PIK3AP1: variants seen among roughly 807,000 people sequenced by gnomAD.
PIK3AP1 encodes phosphoinositide-3-kinase adaptor protein 1, also known as phosphoinositide 3-kinase adapter protein 1.
In PIK3AP1, 21 loss-of-function variants were observed where a neutral mutation model predicts 88.1. The ratio of observed to expected loss-of-function variants is 0.24; its 90% CI spans 0.17 to 0.34. PIK3AP1 has a LOEUF of 0.34. Among genes scored for constraint, PIK3AP1 ranks in the 10% least tolerant of loss-of-function variants. PIK3AP1 has a pLI of 1.00. For synonymous variants in PIK3AP1, 398 were observed against 400.0 expected, an observed-to-expected ratio of 1.00 and a Z score of 0.06; for missense variants, 828 against 1,035.7, an observed-to-expected ratio of 0.80 and a Z score of 2.75.
intron 2 of PIK3AP1, among the ~76,000 whole-genome samples, chr10:96,706,547 A>AT (rs1212044677): frequency 6.6e-6 from 1 of 152,092 alleles, no homozygotes; most frequent in Non-Finnish European, 1.5e-5. Context: ...AATATTTAAG[A>AT]TTTTCTGGCC....
chr10:96,669,137 TA>T (rs1015105177), intron 2 of PIK3AP1, among the ~76,000 whole-genome samples: 1 of 151,190 alleles, frequency 6.6e-6, no homozygotes, highest in Non-Finnish European at 1.5e-5. Context: ...ATCTCAAAAA[TA>T]AAATAAAATT....
intron 14 of PIK3AP1, among the ~76,000 whole-genome samples, chr10:96,604,854 A>C (rs573195205): frequency 6.2e-4 from 95 of 152,184 alleles, no homozygotes; most frequent in African/African-American, 2.2e-3. Context: ...GTACACACTC[A>C]AAAGTATAAT....
chr10:96,662,778 A>G lies in PIK3AP1; in HGVS notation c.431-5844T>C, dbSNP rs373298137. On this transcript the variant is annotated intron_variant, in intron 2 of 16. Coordinates refer to ENST00000339364, the MANE Select transcript of PIK3AP1 (RefSeq NM_152309.3). ...GCGCCTGTAGTCCCAGCTACTCGGGAGGCTGAGGCAGGAGAATGGCGTGAA... is the reference window on the plus strand; with the variant it reads ...GCGCCTGTAGTCCCAGCTACTCGGGGGGCTGAGGCAGGAGAATGGCGTGAA... Among the ~76,000 whole-genome samples, 9 of 149,386 alleles carry G rather than the reference A, an allele frequency of 6.0e-5. No homozygotes were observed. In the East Asian group the frequency reaches 1.6e-3, roughly 26 times the overall value.
At chr10:96,633,193 G>C (rs981602086) in intron 8 of PIK3AP1, 4 of 1,027,958 alleles carry the variant, frequency 3.9e-6, no homozygotes, top group Non-Finnish European at 5.4e-6. Flanking sequence ...TCTAGTTCCT[G>C]TACAGATCCT....
chr10:96,665,416 C>T (rs1255151526), intron 2 of PIK3AP1, among the ~76,000 whole-genome samples: 1 of 152,202 alleles, frequency 6.6e-6, no homozygotes, highest in Non-Finnish European at 1.5e-5. Context: ...TTCTTAGCCT[C>T]TTTCACACTC....
intron 11 of PIK3AP1, 75 bp downstream of exon 11, chr10:96,623,397 T>C (rs1843113840): frequency 1.5e-6 from 2 of 1,365,702 alleles, no homozygotes; most frequent in African/African-American, 1.4e-5. Flanking sequence ...AAGGAGCTAT[T>C]GTTACACTTG....
At chr10:96,659,106 A>G (rs1365058689) in intron 2 of PIK3AP1, among the ~76,000 whole-genome samples, 2 of 152,182 alleles carry the variant, frequency 1.3e-5, no homozygotes, top group African/African-American at 4.8e-5. Flanking sequence ...GGAAAAAGCC[A>G]AAAACATCAG....
chr10:96,693,106 G>A (rs1844175821), intron 2 of PIK3AP1, among the ~76,000 whole-genome samples: 2 of 152,178 alleles, frequency 1.3e-5, no homozygotes, highest in Non-Finnish European at 2.9e-5. Context: ...GATAGTTCTC[G>A]TGGCTCCAAT....
chr10:96,656,030 G>A (rs1463374833), intron 3 of PIK3AP1, among the ~76,000 whole-genome samples: 2 of 152,242 alleles, frequency 1.3e-5, no homozygotes, highest in African/African-American at 2.4e-5. Context: ...CCACAAGGGT[G>A]AGGAAGCCAG....
chr10:96,708,278 T>C (rs1418050112), intron 2 of PIK3AP1, among the ~76,000 whole-genome samples: 5 of 151,470 alleles, frequency 3.3e-5, no homozygotes, highest in Non-Finnish European at 5.9e-5. Flanking sequence ...GAGGCAAAAA[T>C]AGAAAACAAA....
rs773758527 is a variant in PIK3AP1 at position 96,720,126 on chromosome 10, C to A, written c.13+256G>T. ...CTCCTAGGGCCAGAGGTGGAGGGAG[C>A]GAAGGAGACCCTGAAGAAGTGGGAG... On this transcript the variant is annotated intron_variant, in intron 1 of 16. Coordinates refer to ENST00000339364, the MANE Select transcript of PIK3AP1 (RefSeq NM_152309.3). The surrounding 1 kb of genome is among the most constrained non-coding windows in gnomAD (Gnocchi z 4.6). Among the ~76,000 whole-genome samples the A allele has an allele frequency of 1.3e-5, 2 of 152,000 alleles. No individual in the cohort carries two copies. The highest frequency in any genetic ancestry group is 2.9e-5 in the Non-Finnish European group (2 of 67,998).
intron 2 of PIK3AP1, among the ~76,000 whole-genome samples, chr10:96,657,504 GCA>G (rs1487858970): frequency 1.3e-5 from 2 of 152,228 alleles, no homozygotes; most frequent in African/African-American, 2.4e-5. Context: ...ATTGGAGCAT[GCA>G]CAGAGTCAGG....
chr10:96,642,591 G>A (rs1295296264), intron 8 of PIK3AP1, among the ~76,000 whole-genome samples: 1 of 152,158 alleles, frequency 6.6e-6, no homozygotes, highest in African/African-American at 2.4e-5. Flanking sequence ...AATTTGACAG[G>A]CTGCCTCCCC....
At chr10:96,702,016 CTG>C (rs1412404515) in intron 2 of PIK3AP1, among the ~76,000 whole-genome samples, 1 of 152,056 alleles carries the variant, frequency 6.6e-6, no homozygotes, top group Admixed American at 6.5e-5. Context: ...GTGGATGAAC[CTG>C]GAGGACATTA....
At chr10:96,692,041 G>A (rs1335896476) in intron 2 of PIK3AP1, among the ~76,000 whole-genome samples, 1 of 152,162 alleles carries the variant, frequency 6.6e-6, no homozygotes, top group Non-Finnish European at 1.5e-5. Context: ...TTTTGCAAAA[G>A]AGAAATTTTT....
chr10:96,661,792 T>TAGGAC (rs138792870), intron 2 of PIK3AP1, among the ~76,000 whole-genome samples: 3,217 of 141,288 alleles, frequency 0.023, 99 homozygotes, highest in African/African-American at 0.063. Flanking sequence ...AAGGACAGGA[T>TAGGAC]AGGACAGGAC....
At chr10:96,609,926 T>G in intron 13 of PIK3AP1, 59 bp from the exon 14 acceptor site, 2 of 1,574,124 alleles carry the variant, frequency 1.3e-6, no homozygotes, top group East Asian at 4.5e-5. Context: ...CCTGCCAAGC[T>G]GCTCAGCAGC....
intron 8 of PIK3AP1, chr10:96,633,362 C>A: frequency 4.2e-6 from 1 of 237,588 alleles, no homozygotes; most frequent in Non-Finnish European, 8.1e-6. Context: ...GAAATTATAG[C>A]TATTATATTT....
At chr10:96,659,366 TACC>T (rs1156791387) in intron 2 of PIK3AP1, among the ~76,000 whole-genome samples, 1 of 152,150 alleles carries the variant, frequency 6.6e-6, no homozygotes, top group East Asian at 1.9e-4. Flanking sequence ...TCTTACCAAT[TACC>T]TATTCTAGTA....
Sources: allele counts gnomAD v4.1 joint callset (sites outside exome capture counted in the v4.1 genomes callset), GRCh38; gene constraint gnomAD v4.1.1; non-coding constraint Gnocchi (gnomAD v3.1); transcripts MANE v1.5; gene names NCBI Gene and HGNC (gene_info 2026-07-23, HGNC 2026-07-21).